Variants in CCDC3 observed in about 807,000 individuals in gnomAD.
CCDC3 encodes coiled-coil domain-containing protein 3.
A neutral mutation model predicts 21.4 loss-of-function variants in CCDC3; 24 were observed. The ratio of observed to expected loss-of-function variants is 1.12; its 90% CI spans 0.81 to 1.58. The LOEUF (loss-of-function observed/expected upper bound fraction) is 1.58. Among genes scored for constraint, CCDC3 ranks in the 40% most tolerant of loss-of-function variants. The pLI is 0.00. For synonymous variants in CCDC3, 186 were observed against 166.0 expected (o/e 1.12, Z -0.93); for missense variants, 425 against 360.9 (o/e 1.18, Z -1.44).
intron 4 of CCDC3, chr10:13,058,415 A>C (rs1836710589): frequency 1.5e-5 from 12 of 815,238 alleles, no homozygotes; most frequent in Non-Finnish European, 2.6e-5. Context: ...GCCAACCTTC[A>C]CACCGTATTT....
At chr10:13,006,811 T>C (rs1335862546) in intron 5 of CCDC3, among the ~76,000 whole-genome samples, 1 of 152,112 alleles carries the variant, frequency 6.6e-6, no homozygotes, top group Non-Finnish European at 1.5e-5. Flanking sequence ...GTCTAAAAGC[T>C]AGGTAAGGGG....
chr10:13,042,178 C>T (rs567494326), intron 5 of CCDC3, among the ~76,000 whole-genome samples: 15 of 152,244 alleles, frequency 9.9e-5, no homozygotes, highest in African/African-American at 3.4e-4. Context: ...CACTGAAATC[C>T]TCTGAGCTCC....
At chr10:13,014,471 G>GAAAAAAAAAAAAGAA (rs58040998) in intron 5 of CCDC3, among the ~76,000 whole-genome samples, 4 of 137,610 alleles carry the variant, frequency 2.9e-5, no homozygotes, top group Non-Finnish European at 6.1e-5. Context: ...AAAAAAAAAA[G>GAAAAAAAAAAAAGAA]AAAAAAAAAA....
At chr10:13,080,886 C>T (rs994780064) in intron 3 of CCDC3, among the ~76,000 whole-genome samples, 9 of 152,224 alleles carry the variant, frequency 5.9e-5, no homozygotes, top group African/African-American at 1.9e-4. Context: ...TAGGGTTGGC[C>T]GGGTGAGTCA....
chr10:12,937,681 T>C (rs1002697894), intron 2 of CCDC3, among the ~76,000 whole-genome samples: 3 of 152,204 alleles, frequency 2.0e-5, no homozygotes, highest in African/African-American at 4.8e-5. Context: ...TTAAAAACCC[T>C]TGTTCCATAG....
chr10:13,048,471 T>C (rs375863802), intron 5 of CCDC3, among the ~76,000 whole-genome samples: 277 of 152,226 alleles, frequency 1.8e-3, no homozygotes, highest in South Asian at 9.5e-3. Flanking sequence ...GGATTACAGG[T>C]GTGAGCCACT....
chr10:12,898,161 A>T lies in CCDC3; in HGVS notation c.*255T>A. 1 of 516,084 alleles carries T rather than the reference A, an allele frequency of 1.9e-6. No individual in the cohort carries two copies. The highest frequency in any genetic ancestry group is 3.4e-6 in the Non-Finnish European group (1 of 291,872). 32.0% of individuals were successfully genotyped at this position (516,084 alleles called of 1,614,324 possible). On this transcript the variant is annotated 3_prime_UTR_variant, in exon 3 of 3. Coordinates refer to ENST00000378825, the MANE Select transcript of CCDC3 (RefSeq NM_031455.4). Reference sequence around the variant, plus strand: ...CTCTGCAGGCGAGCATTCAGCACTCAGGGATCCCACTGCCTCTGGACTGCC... The same window carrying T: ...CTCTGCAGGCGAGCATTCAGCACTCTGGGATCCCACTGCCTCTGGACTGCC...
At chr10:13,032,126 CA>C (rs1836313076) in intron 5 of CCDC3, among the ~76,000 whole-genome samples, 1 of 152,010 alleles carries the variant, frequency 6.6e-6, no homozygotes, top group African/African-American at 2.4e-5. Flanking sequence ...AGCAGCACAT[CA>C]AAAAGCTTAT....
At chr10:13,029,884 C>T (rs539797279) in intron 5 of CCDC3, among the ~76,000 whole-genome samples, 37 of 152,166 alleles carry the variant, frequency 2.4e-4, no homozygotes, top group South Asian at 1.9e-3. Flanking sequence ...CTGAAAGTGA[C>T]GGGGAGAATG....
At chr10:13,066,274 C>T (rs567692660) in intron 4 of CCDC3, among the ~76,000 whole-genome samples, 2 of 152,302 alleles carry the variant, frequency 1.3e-5, no homozygotes, top group South Asian at 4.1e-4. Flanking sequence ...TCTCCCACCT[C>T]AGCCTCTGAG....
At chr10:12,955,769 G>A (rs1414622263) in intron 2 of CCDC3, among the ~76,000 whole-genome samples, 2 of 152,050 alleles carry the variant, frequency 1.3e-5, no homozygotes, top group African/African-American at 4.8e-5. Context: ...TTGAGACAGA[G>A]TCTCACTCTG....
intron 2 of CCDC3, among the ~76,000 whole-genome samples, chr10:12,903,135 T>G (rs1054592854): frequency 6.6e-6 from 1 of 152,160 alleles, no homozygotes; most frequent in South Asian, 2.1e-4. Context: ...CAGGACTGCT[T>G]AGCAGGCAGG....
intron 2 of CCDC3, among the ~76,000 whole-genome samples, chr10:12,904,966 T>C (rs1233239610): frequency 2.0e-5 from 3 of 152,120 alleles, no homozygotes; most frequent in Admixed American, 6.5e-5. Context: ...AAATATCTCA[T>C]GGCACCAGAC....
At chr10:13,020,796 C>A (rs1461427368) in intron 5 of CCDC3, among the ~76,000 whole-genome samples, 1 of 151,860 alleles carries the variant, frequency 6.6e-6, no homozygotes, top group Non-Finnish European at 1.5e-5. Context: ...ACAACTTTAC[C>A]AAGAATAGCC....
chr10:12,951,759 T>C (rs1172578348), intron 2 of CCDC3, among the ~76,000 whole-genome samples: 1 of 114,722 alleles, frequency 8.7e-6, no homozygotes, highest in Non-Finnish European at 1.6e-5. Context: ...AAGCTGAGAC[T>C]GAGCCACAAT....
At chr10:13,095,790 T>G (rs1832622688) in intron 3 of CCDC3, among the ~76,000 whole-genome samples, 1 of 152,220 alleles carries the variant, frequency 6.6e-6, no homozygotes, top group Non-Finnish European at 1.5e-5. Flanking sequence ...GCCATAAAAT[T>G]CACCCCATTT....
intron 2 of CCDC3, among the ~76,000 whole-genome samples, chr10:12,948,733 T>TTA (rs546905374): frequency 1.6e-5 from 2 of 126,458 alleles, no homozygotes; most frequent in Non-Finnish European, 1.7e-5. Context: ...AGGCAGTTTT[T>TTA]TTTTTTTTTT....
Position 12,898,126 on chromosome 10 carries a change from T to C in CCDC3, c.*290A>G. The C allele has an allele frequency of 2.3e-6, 1 of 441,000 alleles. No individual in the cohort carries two copies. The allele number at this position is 441,000 out of a possible 1,614,324, so 27.3% of individuals were successfully genotyped here. ...ATGTTCTCTCCCCAGTCAGGGCTCT[T>C]TCTGGGCTGCTCTGCAGGCGAGCAT... On this transcript the variant is annotated 3_prime_UTR_variant, in exon 3 of 3. Coordinates refer to ENST00000378825, the MANE Select transcript of CCDC3 (RefSeq NM_031455.4).
At chr10:13,078,254 A>G (rs1836989900) in intron 3 of CCDC3, among the ~76,000 whole-genome samples, 1 of 152,222 alleles carries the variant, frequency 6.6e-6, no homozygotes, top group African/African-American at 2.4e-5. Context: ...AAAACACATG[A>G]AAAAATGCTC....
Sources: gnomAD v4.1 joint callset for allele counts (sites outside exome capture counted in the v4.1 genomes callset) on GRCh38, gnomAD v4.1.1 for gene constraint, MANE v1.5 for transcripts, NCBI Gene and HGNC (gene_info 2026-07-23, HGNC 2026-07-21) for gene names.